The following ARHGAP24 variants were observed in gnomAD, a reference collection of about 807,000 sequenced individuals.
ARHGAP24 encodes the protein rho GTPase-activating protein 24.
Under a neutral mutation model 76.4 loss-of-function variants are expected in ARHGAP24, and 50 were observed. The ratio of observed to expected loss-of-function variants is 0.65; its 90% CI spans 0.52 to 0.83. ARHGAP24 has a LOEUF of 0.83. Ranked by LOEUF, ARHGAP24 falls within the 40% of genes least tolerant of loss-of-function variation. The pLI is 0.00. For synonymous variants in ARHGAP24, 345 were observed against 323.3 expected, an observed-to-expected ratio of 1.07 and a Z score of -0.72; for missense variants, 930 against 914.2, an observed-to-expected ratio of 1.02 and a Z score of -0.22.
At chr4:85,601,997 G>A (rs1032153431) in intron 2 of ARHGAP24, among the ~76,000 whole-genome samples, 2 of 151,370 alleles carry the variant, frequency 1.3e-5, no homozygotes, top group Non-Finnish European at 2.9e-5. Context: ...ACTTGCATAG[G>A]AAAAAGGACA....
chr4:85,852,526 G>A (rs1173712037), intron 3 of ARHGAP24, among the ~76,000 whole-genome samples: 1 of 152,202 alleles, frequency 6.6e-6, no homozygotes, highest in Non-Finnish European at 1.5e-5. Context: ...GAGGAGAAGA[G>A]GCACTCTGGT....
At chr4:85,690,677 A>T (rs2110017375) in intron 2 of ARHGAP24, among the ~76,000 whole-genome samples, 2 of 139,570 alleles carry the variant, frequency 1.4e-5, no homozygotes, top group East Asian at 2.1e-4. Flanking sequence ...GTCATTTCTA[A>T]TTTTGTTTGG....
intron 3 of ARHGAP24, among the ~76,000 whole-genome samples, chr4:85,785,729 A>G (rs1376222846): frequency 6.6e-6 from 1 of 152,154 alleles, no homozygotes; most frequent in Non-Finnish European, 1.5e-5. Flanking sequence ...CTTTCTTTCA[A>G]TTTAAGAATC....
intron 5 of ARHGAP24, among the ~76,000 whole-genome samples, chr4:85,953,720 C>G (rs1421228204): frequency 1.3e-5 from 2 of 151,978 alleles, no homozygotes; most frequent in East Asian, 1.9e-4. Context: ...CTGCACCCAG[C>G]AGAGAGACTG....
At chr4:85,998,892 T>A (rs981439102) in intron 9 of ARHGAP24, among the ~76,000 whole-genome samples, 1 of 152,240 alleles carries the variant, frequency 6.6e-6, no homozygotes. Flanking sequence ...ACCCAAGCTC[T>A]GTGGCCTCTA....
intron 5 of ARHGAP24, among the ~76,000 whole-genome samples, chr4:85,954,965 G>A (rs1347832350): frequency 6.6e-6 from 1 of 152,196 alleles, no homozygotes; most frequent in Admixed American, 6.5e-5. Context: ...AGCCGAGATT[G>A]TGCCATTGCA....
chr4:85,623,634 A>T (rs1348298845), intron 2 of ARHGAP24, among the ~76,000 whole-genome samples: 3 of 151,850 alleles, frequency 2.0e-5, no homozygotes, highest in East Asian at 1.9e-4. Flanking sequence ...GAAGAAAGTC[A>T]TTGGTAGCTT....
intron 2 of ARHGAP24, among the ~76,000 whole-genome samples, chr4:85,708,441 A>C (rs972492963): frequency 4.6e-5 from 7 of 152,090 alleles, no homozygotes; most frequent in African/African-American, 1.7e-4. Context: ...TTTTAGGTCC[A>C]TTTACTAATG....
intron 3 of ARHGAP24, among the ~76,000 whole-genome samples, chr4:85,875,940 A>G (rs1008798270): frequency 6.6e-6 from 1 of 151,656 alleles, no homozygotes; most frequent in Non-Finnish European, 1.5e-5. Context: ...ACAGGGTTTC[A>G]CTATGTTGGC....
chr4:85,722,135 A>G, intron 3 of ARHGAP24, 163 bp downstream of exon 3: 1 of 626,426 alleles, frequency 1.6e-6, no homozygotes, highest in Non-Finnish European at 2.9e-6. Flanking sequence ...ATATACTAGT[A>G]CAAATGAATG....
intron 8 of ARHGAP24, chr4:85,991,015 C>T (rs929971034): frequency 3.9e-5 from 6 of 152,060 alleles, no homozygotes; most frequent in African/African-American, 1.4e-4. Flanking sequence ...TGATAAATAA[C>T]TTGTTTTAAG....
At chr4:85,696,410 G>C (rs1338788312) in intron 2 of ARHGAP24, among the ~76,000 whole-genome samples, 1 of 152,028 alleles carries the variant, frequency 6.6e-6, no homozygotes, top group Non-Finnish European at 1.5e-5. Context: ...GGGAAGAAAA[G>C]ATATTTACAC....
chr4:85,818,534 G>A (rs577710667), intron 3 of ARHGAP24, among the ~76,000 whole-genome samples: 61 of 152,240 alleles, frequency 4.0e-4, no homozygotes, highest in Non-Finnish European at 7.8e-4. Context: ...CCACTTTAGC[G>A]TAATTTGAGA....
chr4:85,496,471 T>C (rs1231910267), intron 1 of ARHGAP24, among the ~76,000 whole-genome samples: 1 of 152,264 alleles, frequency 6.6e-6, no homozygotes, highest in African/African-American at 2.4e-5. Context: ...AGCAAACAAC[T>C]CTTCTCTGAA....
At chr4:85,739,147 G>A (rs1405936705) in intron 3 of ARHGAP24, among the ~76,000 whole-genome samples, 2 of 152,182 alleles carry the variant, frequency 1.3e-5, no homozygotes, top group African/African-American at 4.8e-5. Flanking sequence ...TTCAGGCCAG[G>A]AGGACTGCTT....
At chr4:85,513,471 G>A (rs1391517070) in intron 1 of ARHGAP24, among the ~76,000 whole-genome samples, 1 of 152,000 alleles carries the variant, frequency 6.6e-6, no homozygotes, top group Non-Finnish European at 1.5e-5. Context: ...GGGACATCTA[G>A]GAAGAAATAT....
intron 1 of ARHGAP24, among the ~76,000 whole-genome samples, chr4:85,520,239 GT>G (rs1724684524): frequency 6.6e-6 from 1 of 152,056 alleles, no homozygotes; most frequent in Admixed American, 6.6e-5. Flanking sequence ...TTGTCAGGGG[GT>G]TTTCAAATGG....
chr4:85,661,518 CTT>C (rs578083490), intron 2 of ARHGAP24, among the ~76,000 whole-genome samples: 2 of 149,164 alleles, frequency 1.3e-5, no homozygotes, highest in Admixed American at 1.3e-4. Context: ...TTCTGCCTAA[CTT>C]TTTTTTTTAA....
Position 85,694,111 on chromosome 4 carries a change from C to T in ARHGAP24, c.181-27774C>T, listed in dbSNP as rs761421758. ...AGCTTCAGTGTCTGCATTGCATCTCCGTCTACTCCTAGCATTTTCGTTATG... is the reference window on the plus strand; with the variant it reads ...AGCTTCAGTGTCTGCATTGCATCTCTGTCTACTCCTAGCATTTTCGTTATG... On this transcript the variant is annotated intron_variant, in intron 2 of 9. Transcript: ENST00000395184. Among the ~76,000 whole-genome samples the T allele has an allele frequency of 2.7e-4, 41 of 152,024 alleles. 1 individual carries two copies. The highest frequency in any genetic ancestry group is 2.1e-4 in the Non-Finnish European group (14 of 68,020).
Sources: allele counts gnomAD v4.1 joint callset (sites outside exome capture counted in the v4.1 genomes callset), GRCh38; gene constraint gnomAD v4.1.1; transcripts MANE v1.5; gene names NCBI Gene and HGNC (gene_info 2026-07-23, HGNC 2026-07-21).